Variants in SDK1 observed in about 807,000 individuals in gnomAD.
SDK1 encodes protein sidekick-1.
Under a neutral mutation model 245.5 loss-of-function variants are expected in SDK1, and 157 were observed. That is an observed-to-expected ratio of 0.64 (90% CI 0.56 to 0.73). The LOEUF (loss-of-function observed/expected upper bound fraction) is 0.73. SDK1 is among the 30% of genes least tolerant of loss of function. SDK1 has a pLI of 0.00. For missense variants in SDK1, 3,583 were observed against 3,002.3 expected (o/e 1.19, Z -4.52); for synonymous variants, 1,647 against 1,278.5 (o/e 1.29, Z -6.15).
chr7:3,525,912 T>C (rs1488830141), intron 1 of SDK1, among the ~76,000 whole-genome samples: 2 of 152,166 alleles, frequency 1.3e-5, no homozygotes, highest in South Asian at 2.1e-4. Flanking sequence ...GAATAGAGAT[T>C]GAGATAATAT....
intron 4 of SDK1, among the ~76,000 whole-genome samples, chr7:3,665,373 A>T (rs986593155): frequency 6.6e-6 from 1 of 152,238 alleles, no homozygotes; most frequent in East Asian, 1.9e-4. Context: ...TCTACATATC[A>T]GTTAAAATAA....
At chr7:4,225,675 G>GT (rs1785395751) in intron 40 of SDK1, among the ~76,000 whole-genome samples, 1 of 152,176 alleles carries the variant, frequency 6.6e-6, no homozygotes, top group South Asian at 2.1e-4. Context: ...GTCGGCGAGG[G>GT]CTTCACACTG....
chr7:3,907,655 T>G (rs555136496), intron 5 of SDK1, among the ~76,000 whole-genome samples: 1 of 152,272 alleles, frequency 6.6e-6, no homozygotes. Flanking sequence ...CTGAATCTTA[T>G]AGCAACTTTG....
At chr7:3,370,718 T>A (rs1426118992) in intron 1 of SDK1, among the ~76,000 whole-genome samples, 2 of 152,226 alleles carry the variant, frequency 1.3e-5, no homozygotes, top group Non-Finnish European at 1.5e-5. Flanking sequence ...ATAGCACATG[T>A]TCTATTCTCT....
At chr7:4,224,515 A>G (rs1371635296) in intron 40 of SDK1, among the ~76,000 whole-genome samples, 3 of 152,142 alleles carry the variant, frequency 2.0e-5, no homozygotes, top group South Asian at 4.1e-4. Context: ...CTGTGATCCA[A>G]ACACCTCCCA....
At chr7:3,760,031 A>T (rs555519546) in intron 4 of SDK1, among the ~76,000 whole-genome samples, 82 of 150,526 alleles carry the variant, frequency 5.4e-4, no homozygotes, top group African/African-American at 1.7e-3. Context: ...TGTTTTATGT[A>T]TTTTTTTTTC....
intron 1 of SDK1, among the ~76,000 whole-genome samples, chr7:3,511,816 T>TAG (rs2128611730): frequency 6.6e-6 from 1 of 150,706 alleles, no homozygotes; most frequent in Admixed American, 6.6e-5. Context: ...TTTAACTTTT[T>TAG]AGAGCAATTT....
At chr7:3,570,849 A>G (rs1780092497) in intron 1 of SDK1, among the ~76,000 whole-genome samples, 1 of 149,678 alleles carries the variant, frequency 6.7e-6, no homozygotes, top group Non-Finnish European at 1.5e-5. Context: ...TTGTCAATAT[A>G]TAAATCTTAG....
intron 30 of SDK1, among the ~76,000 whole-genome samples, 165 bp downstream of exon 30, chr7:4,149,628 C>A (rs1194137364): frequency 6.6e-6 from 1 of 152,184 alleles, no homozygotes; most frequent in Non-Finnish European, 1.5e-5. Context: ...CCCAGAACTC[C>A]TGGGTCCTGG....
chr7:3,612,530 C>T (rs574430761), intron 1 of SDK1, among the ~76,000 whole-genome samples: 2 of 152,150 alleles, frequency 1.3e-5, no homozygotes, highest in Non-Finnish European at 2.9e-5. Flanking sequence ...ATCTTCTACC[C>T]ACATTTCTCA....
chr7:3,975,342 C>T (rs1437886201), intron 13 of SDK1, among the ~76,000 whole-genome samples: 1 of 152,182 alleles, frequency 6.6e-6, no homozygotes. Flanking sequence ...GCTCCAGGGA[C>T]ACACCCAGCG....
intron 1 of SDK1, among the ~76,000 whole-genome samples, chr7:3,508,382 G>C (rs13235239): frequency 6.7e-6 from 1 of 148,512 alleles, no homozygotes; most frequent in Non-Finnish European, 1.5e-5. Flanking sequence ...CTGGAGTGCA[G>C]TGGTGTGTGA....
At chr7:4,164,151 C>T (rs1452776115) in intron 32 of SDK1, among the ~76,000 whole-genome samples, 2 of 152,164 alleles carry the variant, frequency 1.3e-5, no homozygotes, top group African/African-American at 4.8e-5. Flanking sequence ...ACTGAGTTTA[C>T]CAGAGCATAG....
At chr7:3,614,024 C>T (rs1372177445) in intron 1 of SDK1, among the ~76,000 whole-genome samples, 1 of 152,134 alleles carries the variant, frequency 6.6e-6, no homozygotes, top group East Asian at 1.9e-4. Flanking sequence ...ACAATGGATA[C>T]TAGGCTTAAT....
chr7:3,694,414 G>A (rs1388918196), intron 4 of SDK1, among the ~76,000 whole-genome samples: 1 of 152,156 alleles, frequency 6.6e-6, no homozygotes, highest in Non-Finnish European at 1.5e-5. Context: ...TCAGAGGGTG[G>A]CCACGCTTGG....
At chr7:4,084,807 A>G (rs1179560844) in intron 22 of SDK1, among the ~76,000 whole-genome samples, 2 of 151,688 alleles carry the variant, frequency 1.3e-5, no homozygotes, top group Non-Finnish European at 2.9e-5. Context: ...CGCTCTTGTC[A>G]CCCAGGCTGG....
chr7:3,476,255 G>C lies in SDK1; in HGVS notation c.299-142825G>C, dbSNP rs995264009. Among the ~76,000 whole-genome samples, 4 of 152,246 alleles carry C rather than the reference G, an allele frequency of 2.6e-5. No individual in the cohort carries two copies. In the South Asian group the frequency reaches 6.2e-4, roughly 24 times the overall value. On this transcript the variant is annotated intron_variant, in intron 1 of 44. Transcript: ENST00000404826. Reference sequence around the variant, plus strand: ...CCTTTTATGGCTTTCTTTAATGCCAGTGACTTGAACATTACACAGGATTCC... The same window carrying C: ...CCTTTTATGGCTTTCTTTAATGCCACTGACTTGAACATTACACAGGATTCC...
rs1782179099 is a variant in SDK1, at chr7:4,175,901, C to G, written c.4996+67C>G. Reference sequence around the variant, plus strand: ...CACACTGTGCCCAGAGCCAGCTGGTCTCTCAGTGCAAGGGAAAACCAGCCT... The same window carrying G: ...CACACTGTGCCCAGAGCCAGCTGGTGTCTCAGTGCAAGGGAAAACCAGCCT... On this transcript the variant is annotated intron_variant, in intron 34 of 44. Coordinates refer to ENST00000404826, the MANE Select transcript of SDK1 (RefSeq NM_152744.4). 1.1e-5 allele frequency: 16 copies of G among 1,431,222 alleles called. No homozygotes were observed. In the East Asian group the frequency reaches 3.6e-4, roughly 33 times the overall value. 88.7% of individuals were successfully genotyped at this position (1,431,222 alleles called of 1,614,324 possible).
At chr7:3,513,932 C>G (rs1471446069) in intron 1 of SDK1, among the ~76,000 whole-genome samples, 1 of 152,204 alleles carries the variant, frequency 6.6e-6, no homozygotes, top group Non-Finnish European at 1.5e-5. Context: ...TGGCCTCTAG[C>G]TGCAGCCATC....
Sources: allele counts gnomAD v4.1 joint callset (sites outside exome capture counted in the v4.1 genomes callset), GRCh38; gene constraint gnomAD v4.1.1; transcripts MANE v1.5; gene names NCBI Gene and HGNC (gene_info 2026-07-23, HGNC 2026-07-21).